The following SLC7A14 variants were observed in gnomAD, a reference collection of about 807,000 sequenced individuals.
SLC7A14 encodes gamma-aminobutyric acid transporter SLC7A14.
SLC7A14 carries 37 observed loss-of-function variants against 60.2 expected under a neutral mutation model. The observed-to-expected ratio is 0.61, with a 90% CI of 0.47 to 0.81. The LOEUF (loss-of-function observed/expected upper bound fraction) is 0.81, where lower values mean the gene tolerates loss of function less well. SLC7A14 is among the 30% of genes least tolerant of loss of function. The pLI, the probability that SLC7A14 is intolerant of heterozygous loss-of-function variation, is 0.00. For synonymous variants in SLC7A14, 399 were observed against 395.8 expected, an observed-to-expected ratio of 1.01 and a Z score of -0.10; for missense variants, 886 against 982.7, an observed-to-expected ratio of 0.90 and a Z score of 1.32.
intron 1 of SLC7A14, among the ~76,000 whole-genome samples, chr3:170,538,750 A>G (rs769660335): frequency 2.6e-5 from 4 of 152,254 alleles, no homozygotes; most frequent in Non-Finnish European, 5.9e-5. Flanking sequence ...AGGAGCTCTC[A>G]GGCTGGCCTG....
intron 1 of SLC7A14, among the ~76,000 whole-genome samples, chr3:170,568,486 G>A (rs61903094): frequency 4.6e-5 from 7 of 152,108 alleles, no homozygotes; most frequent in African/African-American, 7.2e-5. Context: ...TTGACTTGGC[G>A]ATGTGGGCTC....
In SLC7A14 at chr3:170,483,479, T is replaced by A; in HGVS notation, c.950A>T (p.Asp317Val). The A allele has an allele frequency of 6.2e-7, 1 of 1,614,184 alleles. No individual in the cohort carries two copies. The highest frequency in any genetic ancestry group is 8.5e-7 in the Non-Finnish European group (1 of 1,180,030). Residue 317 changes from aspartate to valine, a missense_variant, in exon 6 of 8, where the codon GAC becomes GTC. Physicochemically the swap from Asp to Val is radical, Grantham distance 152. Coordinates refer to ENST00000231706, the MANE Select transcript of SLC7A14 (RefSeq NM_020949.3). ...LTLMVPYYTIDTESPLMEMFV... is the reference protein window; with the variant it reads ...LTLMVPYYTIVTESPLMEMFV... Reference sequence around the variant, plus strand: ...CATCTCCATGAGTGGGGATTCCGTGTCAATGGTATAATATGGCACCATCAG... The same window carrying A: ...CATCTCCATGAGTGGGGATTCCGTGACAATGGTATAATATGGCACCATCAG...
intron 1 of SLC7A14, among the ~76,000 whole-genome samples, chr3:170,531,145 G>T (rs1713668310): frequency 6.6e-6 from 1 of 152,114 alleles, no homozygotes; most frequent in African/African-American, 2.4e-5. Context: ...CAGAATTGAG[G>T]TTCCCTGCCC....
chr3:170,536,019 T>C (rs926565981), intron 1 of SLC7A14, among the ~76,000 whole-genome samples: 7 of 152,232 alleles, frequency 4.6e-5, no homozygotes, highest in African/African-American at 1.7e-4. Context: ...ATACCCGCTG[T>C]GTCTACAGAG....
intron 2 of SLC7A14, among the ~76,000 whole-genome samples, chr3:170,505,384 A>T (rs906650349): frequency 6.6e-6 from 1 of 152,212 alleles, no homozygotes; most frequent in Non-Finnish European, 1.5e-5. Flanking sequence ...CCCATCATTC[A>T]CATGTTGAAA....
intron 1 of SLC7A14, among the ~76,000 whole-genome samples, chr3:170,543,751 CT>C (rs1177925466): frequency 0.05 from 6,835 of 136,636 alleles, 402 homozygotes; most frequent in African/African-American, 0.16. Context: ...TTCTTTCTTT[CT>C]TTTTTTTTTT....
chr3:170,510,398 AAAT>A (rs1292268592), intron 2 of SLC7A14, among the ~76,000 whole-genome samples: 11 of 139,688 alleles, frequency 7.9e-5, no homozygotes, highest in African/African-American at 2.6e-4. Flanking sequence ...AAAAAAAAAA[AAAT>A]AAATAAATAA....
In SLC7A14 at chr3:170,501,319, G is replaced by A. The variant is rs1712602406; in HGVS notation, c.331C>T (p.Arg111Ter). ...GCAGATCCTGTGGTCTTGGGGACTC[G>A]AACTCCAAACTCTGCATAGCAGACG... ...SGVCYAEFGV[R>*]VPKTTGSAYT... The change falls in exon 3 of 8, where the codon CGA becomes TGA. Residue 111 changes from arginine to a stop codon, truncating the protein, a stop_gained. Transcript: ENST00000231706. LOFTEE classifies it high-confidence loss of function. 1.2e-6 allele frequency: 2 copies of A among 1,614,116 alleles called. No individual in the cohort carries two copies. The highest frequency in any genetic ancestry group is 1.7e-6 in the Non-Finnish European group (2 of 1,180,012).
At chr3:170,490,414 A>C (rs1248326349) in intron 4 of SLC7A14, among the ~76,000 whole-genome samples, 3 of 152,236 alleles carry the variant, frequency 2.0e-5, no homozygotes, top group Non-Finnish European at 4.4e-5. Context: ...ATACATGCAT[A>C]CATACCCTCC....
chr3:170,569,006 T>C (rs1175061258), intron 1 of SLC7A14, among the ~76,000 whole-genome samples: 1 of 152,214 alleles, frequency 6.6e-6, no homozygotes, highest in Non-Finnish European at 1.5e-5. Context: ...CTTTATTTCC[T>C]TCCCCTGCCT....
chr3:170,488,397 A>AATAG (rs71300472), intron 4 of SLC7A14, among the ~76,000 whole-genome samples: 4,926 of 152,332 alleles, frequency 0.032, 104 homozygotes, highest in Middle Eastern at 0.071. Context: ...AAGGAGGGAA[A>AATAG]ATAGATCTCA....
At chr3:170,480,031 A>C (rs886785102) in intron 7 of SLC7A14, among the ~76,000 whole-genome samples, 6 of 152,254 alleles carry the variant, frequency 3.9e-5, no homozygotes, top group African/African-American at 1.4e-4. Context: ...AATTATCCTG[A>C]TATAGAAAGA....
chr3:170,574,320 G>A (rs1407402284), intron 1 of SLC7A14, among the ~76,000 whole-genome samples: 1 of 152,120 alleles, frequency 6.6e-6, no homozygotes, highest in Non-Finnish European at 1.5e-5. Flanking sequence ...ATCAATCCAG[G>A]CAAAATACCC....
intron 4 of SLC7A14, among the ~76,000 whole-genome samples, chr3:170,488,443 G>A (rs1712106645): frequency 6.6e-6 from 1 of 152,224 alleles, no homozygotes; most frequent in Non-Finnish European, 1.5e-5. Flanking sequence ...GCTTGGAAAT[G>A]TGCTTGTTTT....
At chr3:170,498,552 G>A in intron 4 of SLC7A14, 115 bp downstream of exon 4, 1 of 834,080 alleles carries the variant, frequency 1.2e-6, no homozygotes, top group Non-Finnish European at 1.9e-6. Flanking sequence ...GATAAAGAGG[G>A]TGCTGTGGTA....
intron 2 of SLC7A14, among the ~76,000 whole-genome samples, chr3:170,501,891 T>C (rs970476512): frequency 6.6e-6 from 1 of 152,202 alleles, no homozygotes; most frequent in East Asian, 1.9e-4. Flanking sequence ...CAAAAAGTAA[T>C]TTAACAAACA....
intron 1 of SLC7A14, among the ~76,000 whole-genome samples, chr3:170,561,690 C>T (rs1174041393): frequency 6.6e-6 from 1 of 151,946 alleles, no homozygotes; most frequent in Non-Finnish European, 1.5e-5. Context: ...ACATGGCCGC[C>T]GAGTAAACAG....
chr3:170,519,805 G>T lies in SLC7A14; in HGVS notation c.304+6828C>A, dbSNP rs541268994. On this transcript the variant is annotated intron_variant, in intron 2 of 7. Transcript: ENST00000231706. ...ATGAAACAAACAAACAAAAAAAGAG[G>T]ACCGAAAGGTAAGGAATCACCTGCC... is the stretch of plus-strand genomic sequence containing the variant. Among the ~76,000 whole-genome samples, 21 of 152,214 alleles carry T rather than the reference G, an allele frequency of 1.4e-4. No homozygotes were observed. In the East Asian group the frequency reaches 2.9e-3, roughly 21 times the overall value.
intron 2 of SLC7A14, among the ~76,000 whole-genome samples, chr3:170,504,102 A>G (rs1166368494): frequency 6.6e-6 from 1 of 152,172 alleles, no homozygotes; most frequent in South Asian, 2.1e-4. Flanking sequence ...GTTTGTATGG[A>G]GAAATTCAGA....
Sources: gnomAD v4.1 joint callset for allele counts (sites outside exome capture counted in the v4.1 genomes callset) on GRCh38, gnomAD v4.1.1 for gene constraint, MANE v1.5 for transcripts, NCBI Gene and HGNC (gene_info 2026-07-23, HGNC 2026-07-21) for gene names.